The following TLE3 variants were observed in gnomAD, a reference collection of about 807,000 sequenced individuals.
TLE3 encodes the protein transducin-like enhancer protein 3.
In TLE3, 14 loss-of-function variants were observed where a neutral mutation model predicts 93.0. The observed-to-expected ratio is 0.15, with a 90% CI of 0.10 to 0.24. The LOEUF (loss-of-function observed/expected upper bound fraction) is 0.24, where lower values mean the gene tolerates loss of function less well. TLE3 is among the 10% of genes least tolerant of loss of function. TLE3 has a pLI of 1.00. For missense variants in TLE3, 693 were observed against 1,046.6 expected (o/e 0.66, Z 4.66); for synonymous variants, 451 against 425.0 (o/e 1.06, Z -0.75).
At position 70,049,799 on chromosome 15, in the gene TLE3, T is replaced by G; in HGVS notation, c.*298A>C. ...GAACAAACAGAGACTCATGAGCGGG[T>G]CTGTGGGGGAACCGGAGCCATAAGC... On this transcript the variant is annotated 3_prime_UTR_variant, in exon 20 of 20. Coordinates refer to ENST00000451782, the MANE Select transcript of TLE3 (RefSeq NM_001105192.3). 3.3e-6 allele frequency: 1 copy of G among 304,302 alleles called. No homozygotes were observed. Among genetic ancestry groups the G allele is most frequent in the Non-Finnish European group, 6.4e-6 (1 of 157,312 alleles). 18.9% of individuals were successfully genotyped at this position (304,302 alleles called of 1,614,324 possible). A position where few individuals can be genotyped will look rare whatever the true frequency, so the allele number is the denominator to read the frequency against.
chr15:70,058,302 G>A lies in TLE3; in HGVS notation c.919-11C>T, dbSNP rs369663931. 1.3e-6 allele frequency: 2 copies of A among 1,595,836 alleles called. No homozygotes were observed. Among genetic ancestry groups the A allele is most frequent in the Non-Finnish European group, 1.7e-6 (2 of 1,170,256 alleles). ...GGAGGATTTGTCGTTCTGAAGAGGG[G>A]AGATGCAGAACAAGGGAGGCCATGA... is the stretch of plus-strand genomic sequence containing the variant. On this transcript the variant is annotated splice_polypyrimidine_tract_variant and intron_variant, in intron 11 of 19. Transcript: ENST00000451782. The surrounding 1 kb of genome is among the most constrained non-coding windows in gnomAD (Gnocchi z 4.1).
rs1203485304 is a variant in TLE3 at position 70,097,718 on chromosome 15, C to T, written c.-920G>A. 2.5e-6 allele frequency: 1 copy of T among 396,436 alleles called. No individual in the cohort carries two copies. 24.6% of individuals were successfully genotyped at this position (396,436 alleles called of 1,614,324 possible). A position where few individuals can be genotyped will look rare whatever the true frequency, so the allele number is the denominator to read the frequency against. On this transcript the variant is annotated 5_prime_UTR_variant, in exon 1 of 20. Coordinates refer to ENST00000451782, the MANE Select transcript of TLE3 (RefSeq NM_001105192.3). ...GACCGGGGAGCTCTACGGCTTCCTT[C>T]CTTCCCCTCGGCCCGGCTCTCCTCT...
intron 4 of TLE3, among the ~76,000 whole-genome samples, chr15:70,093,778 G>A (rs2058418661): frequency 6.6e-6 from 1 of 152,212 alleles, no homozygotes. Context: ...ATACCAGGTA[G>A]TTTACATATC....
Position 70,066,236 on chromosome 15 carries a change from G to T in TLE3, c.373-18C>A. 6.6e-7 allele frequency: 1 copy of T among 1,511,850 alleles called. No homozygotes were observed. The allele number at this position is 1,511,850 out of a possible 1,614,324, so 93.7% of individuals were successfully genotyped here. A position where few individuals can be genotyped will look rare whatever the true frequency, so the allele number is the denominator to read the frequency against. On this transcript the variant is annotated intron_variant, in intron 6 of 19. Transcript: ENST00000451782. Reference sequence around the variant, plus strand: ...TGCTGCTGCTGCAATGAAGTCGGTGGTGAGTACAGCTGAGTTGGGGAGGGC... The same window carrying T: ...TGCTGCTGCTGCAATGAAGTCGGTGTTGAGTACAGCTGAGTTGGGGAGGGC...
At position 70,097,618 on chromosome 15, in the gene TLE3, G is replaced by A. The variant is rs1401746946; in HGVS notation, c.-820C>T. The A allele has an allele frequency of 1.3e-5, 5 of 398,370 alleles. No individual in the cohort carries two copies. Among genetic ancestry groups the A allele is most frequent in the Non-Finnish European group, 4.4e-6 (1 of 225,850 alleles). The allele number at this position is 398,370 out of a possible 1,614,324, so 24.7% of individuals were successfully genotyped here. Reference sequence around the variant, plus strand: ...GCTTGAGCACCGCGTCCCCACCGAGGAGCGCTCAGCGCCACCGCCGCTGCC... The same window carrying A: ...GCTTGAGCACCGCGTCCCCACCGAGAAGCGCTCAGCGCCACCGCCGCTGCC... On this transcript the variant is annotated 5_prime_UTR_variant, in exon 1 of 20. Transcript: ENST00000451782.
rs756432201 is a variant in TLE3 at position 70,096,757 on chromosome 15, C to A, written c.24+18G>T. ...TGCCATGATAGATGCTTAAATAAAC[C>A]GAGTTGCAATTACTCACCGGATGTC... On this transcript the variant is annotated intron_variant, in intron 1 of 19. Coordinates refer to ENST00000451782, the MANE Select transcript of TLE3 (RefSeq NM_001105192.3). 6.2e-6 allele frequency: 10 copies of A among 1,613,030 alleles called. No homozygotes were observed. The East Asian group carries it at 2.2e-4, about 36-fold the overall frequency.
In TLE3 at chr15:70,058,669, A is replaced by G; in HGVS notation, c.912T>C (p.Leu304=). The part of the protein sequence containing the change: ...SSTPSSKTKD[L]GHNDKSSTPG... ...CCACCCAGACCCCACATACATGACC[A>G]AGGTCTTTGGTCTTGGAGGAAGGTG... The change falls in exon 11 of 20, where the codon CTT becomes CTC. Residue 304 remains leucine (L), a synonymous_variant. Coordinates refer to ENST00000451782, the MANE Select transcript of TLE3 (RefSeq NM_001105192.3). The surrounding 1 kb of genome is among the most constrained non-coding windows in gnomAD (Gnocchi z 4.1). 1 of 1,598,040 alleles carries G rather than the reference A, an allele frequency of 6.3e-7. No individual in the cohort carries two copies.
chr15:70,066,225 T>A lies in TLE3; in HGVS notation c.373-7A>T. 6.6e-7 allele frequency: 1 copy of A among 1,520,994 alleles called. No individual in the cohort carries two copies. Among genetic ancestry groups the A allele is most frequent in the Non-Finnish European group, 8.8e-7 (1 of 1,135,440 alleles). The allele number at this position is 1,520,994 out of a possible 1,614,324, so 94.2% of individuals were successfully genotyped here. ...GCGCCTGGAGCTGCTGCTGCTGCAA[T>A]GAAGTCGGTGGTGAGTACAGCTGAG... is the stretch of plus-strand genomic sequence containing the variant. On this transcript the variant is annotated splice_polypyrimidine_tract_variant and splice_region_variant and intron_variant, in intron 6 of 19. Transcript: ENST00000451782.
intron 15 of TLE3, 47 bp downstream of exon 15, chr15:70,055,002 T>C: frequency 6.5e-7 from 1 of 1,545,654 alleles, no homozygotes; most frequent in Non-Finnish European, 8.7e-7. Context: ...GGCTGCCCCA[T>C]CCTCCTACAC....
chr15:70,072,005 C>T (rs1211020972), intron 6 of TLE3, among the ~76,000 whole-genome samples: 2 of 152,214 alleles, frequency 1.3e-5, no homozygotes, highest in Admixed American at 1.3e-4. Context: ...CCAGTGCGAG[C>T]ACGACTCGGC....
At chr15:70,068,690 T>C (rs145612850) in intron 6 of TLE3, among the ~76,000 whole-genome samples, 1 of 152,232 alleles carries the variant, frequency 6.6e-6, no homozygotes, top group East Asian at 1.9e-4. Context: ...CTAGAGAAAA[T>C]GTGCACTGAA....
chr15:70,073,582 C>T (rs956045593), intron 6 of TLE3, among the ~76,000 whole-genome samples: 2 of 152,214 alleles, frequency 1.3e-5, no homozygotes, highest in African/African-American at 2.4e-5. Context: ...CATCCCCAGA[C>T]CTATGGAAAA....
At chr15:70,094,442 G>A (rs2058453027) in intron 4 of TLE3, 90 bp downstream of exon 4, 1 of 998,662 alleles carries the variant, frequency 1.0e-6, no homozygotes, top group South Asian at 1.5e-5. Context: ...GAAGAAGCAG[G>A]CTCACTTTCA....
intron 4 of TLE3, among the ~76,000 whole-genome samples, chr15:70,083,931 C>G (rs918975769): frequency 4.6e-5 from 7 of 152,190 alleles, no homozygotes; most frequent in African/African-American, 1.7e-4. Context: ...AAGAGCATAC[C>G]TGTTCCGTAA....
Position 70,055,133 on chromosome 15 carries a change from G to C in TLE3, c.1494C>G (p.Val498=). 6.2e-7 allele frequency: 1 copy of C among 1,614,206 alleles called. No homozygotes were observed. The highest frequency in any genetic ancestry group is 8.5e-7 in the Non-Finnish European group (1 of 1,180,030). ...TCACGCAGCCCTTGCCACCTGTGTA[G>C]ACGTGCCTCGTGGGGTTGCTGATGG... ...AVTISNPTRH[V]YTGGKGCVKI... is the part of the protein sequence containing the mutation. Residue 498 remains valine (V), a synonymous_variant, in exon 15 of 20, where the codon GTC becomes GTG. Coordinates refer to ENST00000451782, the MANE Select transcript of TLE3 (RefSeq NM_001105192.3).
At position 70,097,862 on chromosome 15, in the gene TLE3, CG is replaced by C. The variant is rs2058638697; in HGVS notation, c.-1065del. The C allele has an allele frequency of 1.2e-5, 4 of 326,178 alleles. No individual in the cohort carries two copies. Among genetic ancestry groups the C allele is most frequent in the Admixed American group, 4.9e-5 (1 of 20,262 alleles). The allele number at this position is 326,178 out of a possible 1,614,324, so 20.2% of individuals were successfully genotyped here. On this transcript the variant is annotated 5_prime_UTR_variant, in exon 1 of 20. Coordinates refer to ENST00000451782, the MANE Select transcript of TLE3 (RefSeq NM_001105192.3). The stretch of plus-strand genomic sequence containing the variant: ...CCTACGGATACCACACACAGACAGG[CG>C]AAGGGGACGAGCACGAGGTCTGAAC...
chr15:70,083,718 G>A (rs1004862645), intron 4 of TLE3, among the ~76,000 whole-genome samples: 10 of 151,892 alleles, frequency 6.6e-5, no homozygotes, highest in Admixed American at 2.6e-4. Context: ...TCAACAGGCT[G>A]TAAAAGTCAC....
chr15:70,055,847 T>C (rs2055969576), intron 14 of TLE3: 2 of 250,806 alleles, frequency 8.0e-6, no homozygotes, highest in East Asian at 2.2e-4. Flanking sequence ...CTCAATCTTT[T>C]AGTTTCCTAG....
At chr15:70,075,760 G>T (rs2291987) in intron 5 of TLE3, among the ~76,000 whole-genome samples, 3,205 of 152,346 alleles carry the variant, frequency 0.021, 139 homozygotes, top group East Asian at 0.21. Flanking sequence ...AGGAACTGAG[G>T]TCCACTTTGG....
Sources: gnomAD v4.1 joint callset for allele counts (sites outside exome capture counted in the v4.1 genomes callset) on GRCh38, gnomAD v4.1.1 for gene constraint, Gnocchi (gnomAD v3.1) non-coding constraint, MANE v1.5 for transcripts, NCBI Gene and HGNC (gene_info 2026-07-23, HGNC 2026-07-21) for gene names.